The following SORCS1 variants were observed in gnomAD, a reference collection of about 807,000 sequenced individuals.
SORCS1 encodes the protein sortilin related VPS10 domain containing receptor 1.
A neutral mutation model predicts 146.1 loss-of-function variants in SORCS1; 60 were observed. The observed-to-expected ratio is 0.41, with a 90% CI of 0.33 to 0.51. The LOEUF is 0.51. Ranked by LOEUF, SORCS1 falls within the 20% of genes least tolerant of loss-of-function variation. The pLI is 0.21. For synonymous variants in SORCS1, 637 were observed against 584.0 expected (o/e 1.09, Z -1.31); for missense variants, 1,352 against 1,487.6 (o/e 0.91, Z 1.50).
At chr10:106,707,385 G>A (rs562038966) in intron 7 of SORCS1, among the ~76,000 whole-genome samples, 10 of 152,018 alleles carry the variant, frequency 6.6e-5, no homozygotes, top group Admixed American at 3.9e-4. Context: ...GAGATGGTGG[G>A]GGGGAGGGTT....
chr10:106,722,442 T>C (rs1855851992), intron 6 of SORCS1, among the ~76,000 whole-genome samples: 3 of 152,064 alleles, frequency 2.0e-5, no homozygotes, highest in Admixed American at 1.3e-4. Context: ...AGACCAGAAT[T>C]AGTGGGATGC....
intron 1 of SORCS1, among the ~76,000 whole-genome samples, chr10:107,065,457 T>C (rs1187442241): frequency 4.4e-4 from 60 of 135,752 alleles, no homozygotes; most frequent in Admixed American, 1.1e-3. Flanking sequence ...CTTTTCTCTC[T>C]TTCTCTCTCC....
intron 1 of SORCS1, among the ~76,000 whole-genome samples, chr10:107,078,561 A>T (rs1963074879): frequency 6.6e-6 from 1 of 152,002 alleles, no homozygotes; most frequent in Admixed American, 6.6e-5. Flanking sequence ...TTCTGGACAC[A>T]CCTCTTCCAT....
At chr10:106,646,316 T>C (rs1028841638) in intron 18 of SORCS1, among the ~76,000 whole-genome samples, 9 of 152,200 alleles carry the variant, frequency 5.9e-5, no homozygotes, top group Non-Finnish European at 2.9e-5. Context: ...ATAATTCCTT[T>C]ATACTAAATG....
chr10:106,865,849 G>A (rs920536521), intron 2 of SORCS1, among the ~76,000 whole-genome samples: 13 of 151,204 alleles, frequency 8.6e-5, no homozygotes, highest in Admixed American at 2.0e-4. Context: ...CCTGGCCAAC[G>A]TGGTGAAACT....
At chr10:107,012,397 G>A (rs11193163) in intron 1 of SORCS1, among the ~76,000 whole-genome samples, 1 of 152,306 alleles carries the variant, frequency 6.6e-6, no homozygotes, top group African/African-American at 2.4e-5. Flanking sequence ...ACAGCTCATA[G>A]GATTTTTGGT....
chr10:106,588,626 C>T (rs1404405325), intron 24 of SORCS1, among the ~76,000 whole-genome samples: 1 of 151,884 alleles, frequency 6.6e-6, no homozygotes, highest in Non-Finnish European at 1.5e-5. Context: ...CTTTGGGAGG[C>T]CAAGGTGGGC....
Position 106,652,456 on chromosome 10 carries a change from G to A in SORCS1, c.2401C>T (p.Arg801Trp), listed in dbSNP as rs1849940212. The A allele has an allele frequency of 1.2e-6, 2 of 1,614,052 alleles. No individual in the cohort carries two copies. The highest frequency in any genetic ancestry group is 1.7e-6 in the Non-Finnish European group (2 of 1,179,980). Residue 801 changes from arginine to tryptophan, a missense_variant, in exon 18 of 26, where the codon CGG becomes TGG. Arg to Trp is a moderately radical substitution (Grantham distance 101). This residue lies in a region of SORCS1 where 648 missense variants were observed against 793.8 expected (regional missense o/e 0.82). Coordinates refer to ENST00000263054, the MANE Select transcript of SORCS1 (RefSeq NM_052918.5). ...AGCTTTCCATCAGCCGTGACTATCC[G>A]CAGCCCCCGCGGGGCTTTCCCTGGG... is the stretch of plus-strand genomic sequence containing the variant. The part of the protein sequence containing the change: ...KCPGKAPRGL[R>W]IVTADGKLTA...
intron 16 of SORCS1, 93 bp from the exon 17 acceptor site, chr10:106,667,895 C>A: frequency 2.3e-5 from 16 of 684,850 alleles, no homozygotes; most frequent in South Asian, 4.0e-5. Context: ...CCACACTAAT[C>A]AATTAGTCAT....
At chr10:106,586,616 C>T (rs755617387) in intron 24 of SORCS1, among the ~76,000 whole-genome samples, 27 of 152,080 alleles carry the variant, frequency 1.8e-4, no homozygotes, top group Non-Finnish European at 2.4e-4. Flanking sequence ...GCCCCTTTTA[C>T]GGTCCCCCGT....
intron 5 of SORCS1, among the ~76,000 whole-genome samples, chr10:106,740,014 A>G (rs2136098443): frequency 6.6e-6 from 1 of 152,028 alleles, no homozygotes; most frequent in Non-Finnish European, 1.5e-5. Flanking sequence ...ACCTGACCCC[A>G]TGGAAATGAT....
intron 9 of SORCS1, 79 bp from the exon 10 acceptor site, chr10:106,688,417 T>C (rs1473854781): frequency 6.6e-7 from 1 of 1,521,402 alleles, no homozygotes; most frequent in African/African-American, 1.4e-5. Flanking sequence ...AAAAGAAGGC[T>C]GTCAAAGTCA....
chr10:106,599,091 G>C (rs897328200), intron 23 of SORCS1, among the ~76,000 whole-genome samples: 6 of 152,176 alleles, frequency 3.9e-5, no homozygotes, highest in African/African-American at 1.4e-4. Flanking sequence ...GTTTACAGAA[G>C]TGGATTTCTG....
At chr10:107,170,158 T>C in the SORCS1 span, among the ~76,000 whole-genome samples, 2 of 152,202 alleles carry the variant, frequency 1.3e-5, no homozygotes, top group Non-Finnish European at 2.9e-5. Context: ...ATCTGAAAAC[T>C]GTAAAATGTA....
At chr10:107,180,325 T>C in the SORCS1 span, among the ~76,000 whole-genome samples, 1 of 152,226 alleles carries the variant, frequency 6.6e-6, no homozygotes, top group Non-Finnish European at 1.5e-5. Flanking sequence ...AAAAGTATTA[T>C]AATTTTACAC....
the SORCS1 span, among the ~76,000 whole-genome samples, chr10:107,171,253 T>C: frequency 0.23 from 35,521 of 152,044 alleles, 4,314 homozygotes; most frequent in African/African-American, 0.29. Flanking sequence ...CCAGCAGATA[T>C]AAAAAGAAGA....
chr10:107,063,765 G>GA, intron 1 of SORCS1, among the ~76,000 whole-genome samples: 1 of 152,284 alleles, frequency 6.6e-6, no homozygotes, highest in Non-Finnish European at 1.5e-5. Flanking sequence ...GTAAGATTGT[G>GA]ACATCAATCC....
intron 23 of SORCS1, among the ~76,000 whole-genome samples, chr10:106,599,244 G>A (rs897297142): frequency 2.0e-5 from 3 of 151,962 alleles, no homozygotes; most frequent in African/African-American, 4.8e-5. Flanking sequence ...GTGCACACCT[G>A]TACTCCCAGT....
intron 4 of SORCS1, among the ~76,000 whole-genome samples, chr10:106,769,647 T>C (rs1859855362): frequency 6.6e-6 from 1 of 152,188 alleles, no homozygotes; most frequent in South Asian, 2.1e-4. Flanking sequence ...GAACTAAAAT[T>C]AGTTCTTTTT....
Sources: gnomAD v4.1 joint callset for allele counts (sites outside exome capture counted in the v4.1 genomes callset) on GRCh38, gnomAD v4.1.1 for gene constraint, gnomAD v4.1.1 regional missense constraint, MANE v1.5 for transcripts, NCBI Gene and HGNC (gene_info 2026-07-23, HGNC 2026-07-21) for gene names.